APOC3: variants seen among roughly 807,000 people sequenced by gnomAD.
The protein encoded by APOC3 is apolipoprotein C3.
APOC3 carries 6 observed loss-of-function variants against 7.3 expected under a neutral mutation model. The observed-to-expected ratio is 0.82, with a 90% CI of 0.45 to 1.61. The LOEUF is 1.61. Ranked by LOEUF, APOC3 falls within the 40% of genes most tolerant of loss-of-function variation. The pLI is 0.01. For missense variants in APOC3, 123 were observed against 124.9 expected, an observed-to-expected ratio of 0.98 and a Z score of 0.07; for synonymous variants, 45 against 51.2, an observed-to-expected ratio of 0.88 and a Z score of 0.52.
At position 116,832,983 on chromosome 11, in the gene APOC3, T is replaced by C. The variant is rs539003433; in HGVS notation, c.*99T>C. 46 of 1,541,124 alleles carry C rather than the reference T, an allele frequency of 3.0e-5. 1 individual carries two copies. The highest frequency in any genetic ancestry group is 2.0e-4 in the African/African-American group (15 of 73,524). On this transcript the variant is annotated 3_prime_UTR_variant, in exon 4 of 4. Coordinates refer to ENST00000227667, the MANE Select transcript of APOC3 (RefSeq NM_000040.3). ...CCTGTAGGTTGCTTAAAAGGGACAG[T>C]ATTCTCAGTGCTCTCCTACCCCACC...
chr11:116,832,677 G>C (rs900289047), intron 3 of APOC3, 87 bp from the exon 4 acceptor site: 2 of 1,593,716 alleles, frequency 1.3e-6, no homozygotes, highest in Non-Finnish European at 8.6e-7. Flanking sequence ...GACTGGTGTC[G>C]TCCAGTGGGG....
chr11:116,831,049 T>TTCCTCGCAGG, intron 3 of APOC3, 153 bp downstream of exon 3: 1 of 904,652 alleles, frequency 1.1e-6, no homozygotes, highest in South Asian at 1.6e-5. Context: ...ACAGGGCCTT[T>TTCCTCGCAGG]GTCAGGCTGC....
chr11:116,830,852 T>A lies in APOC3; in HGVS notation c.135T>A (p.Asp45Glu). ...AGCACGCCACCAAGACCGCCAAGGA[T>A]GCACTGAGCAGCGTGCAGGAGTCCC... is the stretch of plus-strand genomic sequence containing the variant. ...YMKHATKTAK[D>E]ALSSVQESQV... Residue 45 changes from aspartate (D) to glutamate (E), a missense_variant, in exon 3 of 4, where the codon GAT (aspartate) becomes GAA (glutamate). By Grantham distance (45) the Asp-to-Glu change is conservative. Coordinates refer to ENST00000227667, the MANE Select transcript of APOC3 (RefSeq NM_000040.3). 6.2e-7 allele frequency: 1 copy of A among 1,612,664 alleles called. No homozygotes were observed. The highest frequency in any genetic ancestry group is 8.5e-7 in the Non-Finnish European group (1 of 1,179,846).
At position 116,830,656 on chromosome 11, in the gene APOC3, T is replaced by A; in HGVS notation, c.55+19T>A. On this transcript the variant is annotated intron_variant, in intron 2 of 3. Transcript: ENST00000227667. ...TCTGCCCGTAAGCACTTGGTGGGACTGGGCTGGGGGCAGGGTGGAGGCAAC... is the reference window on the plus strand; with the variant it reads ...TCTGCCCGTAAGCACTTGGTGGGACAGGGCTGGGGGCAGGGTGGAGGCAAC... The A allele has an allele frequency of 6.2e-7, 1 of 1,613,766 alleles. No homozygotes were observed. The highest frequency in any genetic ancestry group is 8.5e-7 in the Non-Finnish European group (1 of 1,179,988).
intron 2 of APOC3, 66 bp from the exon 3 acceptor site, chr11:116,830,707 G>T (rs1420160845): frequency 4.3e-6 from 7 of 1,612,982 alleles, no homozygotes; most frequent in Non-Finnish European, 5.9e-6. Flanking sequence ...CCAATGGGTG[G>T]TCAAGCAGGA....
rs1288391287 is a variant in APOC3, at chr11:116,830,812, T to G, written c.95T>G (p.Met32Arg). The change falls in exon 3 of 4, where the codon ATG becomes AGG. Residue 32 changes from methionine (M) to arginine (R), a missense_variant. Transcript: ENST00000227667. ...EAEDASLLSF[M>R]QGYMKHATKT... ...GAGGATGCCTCCCTTCTCAGCTTCA[T>G]GCAGGGTTACATGAAGCACGCCACC... 1 of 1,613,240 alleles carries G rather than the reference T, an allele frequency of 6.2e-7. No individual in the cohort carries two copies. The highest frequency in any genetic ancestry group is 2.2e-5 in the East Asian group (1 of 44,864).
rs752729869 is a variant in APOC3, at chr11:116,832,757, G to C, written c.180-7G>C. On this transcript the variant is annotated splice_polypyrimidine_tract_variant and splice_region_variant and intron_variant, in intron 3 of 3. Transcript: ENST00000227667. Reference sequence around the variant, plus strand: ...CCCTGCTCTGTTGCTTCCCCTGACTGATTTAGGGGCTGGGTGACCGATGGC... The same window carrying C: ...CCCTGCTCTGTTGCTTCCCCTGACTCATTTAGGGGCTGGGTGACCGATGGC... 6.2e-7 allele frequency: 1 copy of C among 1,614,012 alleles called. No individual in the cohort carries two copies. The highest frequency in any genetic ancestry group is 1.3e-5 in the African/African-American group (1 of 74,930).
intron 3 of APOC3, 139 bp downstream of exon 3, chr11:116,831,035 C>A: frequency 1.0e-6 from 1 of 998,466 alleles, no homozygotes; most frequent in Non-Finnish European, 1.5e-6. Context: ...CCTCCTCTTT[C>A]CTCACAGGGC....
chr11:116,831,005 CT>C, intron 3 of APOC3, 109 bp downstream of exon 3: 1 of 1,362,040 alleles, frequency 7.3e-7, no homozygotes, highest in Non-Finnish European at 1.0e-6. Context: ...CCAGCCTCCC[CT>C]GGGCCTGTGC....
chr11:116,832,105 G>A (rs1274433386), intron 3 of APOC3, among the ~76,000 whole-genome samples: 1 of 152,100 alleles, frequency 6.6e-6, no homozygotes, highest in African/African-American at 2.4e-5. Context: ...TAAGACCTGG[G>A]GCCAGTGTGA....
At position 116,832,755 on chromosome 11, in the gene APOC3, C is replaced by T. The variant is rs368892201; in HGVS notation, c.180-9C>T. 1.2e-6 allele frequency: 2 copies of T among 1,613,978 alleles called. No homozygotes were observed. Among genetic ancestry groups the T allele is most frequent in the African/African-American group, 2.7e-5 (2 of 74,914 alleles). Reference sequence around the variant, plus strand: ...TGCCCTGCTCTGTTGCTTCCCCTGACTGATTTAGGGGCTGGGTGACCGATG... The same window carrying T: ...TGCCCTGCTCTGTTGCTTCCCCTGATTGATTTAGGGGCTGGGTGACCGATG... On this transcript the variant is annotated splice_polypyrimidine_tract_variant and intron_variant, in intron 3 of 3. Transcript: ENST00000227667.
chr11:116,831,917 G>A (rs1941466968), intron 3 of APOC3, among the ~76,000 whole-genome samples: 1 of 152,228 alleles, frequency 6.6e-6, no homozygotes, highest in South Asian at 2.1e-4. Flanking sequence ...AGGAGGCGGA[G>A]CTCAGGCGGT....
rs773273781 is a variant in APOC3 at position 116,832,935 on chromosome 11, G to T, written c.*51G>T. 2.1e-5 allele frequency: 34 copies of T among 1,612,416 alleles called. No homozygotes were observed. In the East Asian group the frequency reaches 5.3e-4, roughly 25 times the overall value. ...CCTATCCATCCTGCGAGCTCCTTGG[G>T]TCCTGCAATCTCCAGGGCTGCCCCT... On this transcript the variant is annotated 3_prime_UTR_variant, in exon 4 of 4. Coordinates refer to ENST00000227667, the MANE Select transcript of APOC3 (RefSeq NM_000040.3).
chr11:116,832,768 TG>T lies in APOC3; in HGVS notation c.187del (p.Val63Ter), dbSNP rs1249798806. 2.5e-6 allele frequency: 4 copies of T among 1,614,042 alleles called. No homozygotes were observed. In the African/African-American group the frequency reaches 5.3e-5, roughly 22 times the overall value. On this transcript the variant is annotated frameshift_variant, in exon 4 of 4. Transcript: ENST00000227667. LOFTEE classifies it low-confidence loss of function (END_TRUNC). The stretch of plus-strand genomic sequence containing the variant: ...TGCTTCCCCTGACTGATTTAGGGGC[TG>T]GGTGACCGATGGCTTCAGTTCCCTG... ...ESQVAQQARG[W>X]VTDGFSSLKD...
intron 3 of APOC3, among the ~76,000 whole-genome samples, chr11:116,831,330 TTTTC>T (rs1190908673): frequency 1.3e-5 from 2 of 150,114 alleles, no homozygotes; most frequent in South Asian, 2.1e-4. Flanking sequence ...TTTCTTTCCT[TTTTC>T]TTTCTTTCCC....
intron 3 of APOC3, among the ~76,000 whole-genome samples, chr11:116,832,106 G>A (rs978693315): frequency 6.6e-6 from 1 of 152,152 alleles, no homozygotes; most frequent in Non-Finnish European, 1.5e-5. Flanking sequence ...AAGACCTGGG[G>A]CCAGTGTGAG....
In APOC3 at chr11:116,832,908, T is replaced by G. The variant is rs930776786; in HGVS notation, c.*24T>G. On this transcript the variant is annotated 3_prime_UTR_variant, in exon 4 of 4. Coordinates refer to ENST00000227667, the MANE Select transcript of APOC3 (RefSeq NM_000040.3). Reference sequence around the variant, plus strand: ...GAGACCTCAATACCCCAAGTCCACCTGCCTATCCATCCTGCGAGCTCCTTG... The same window carrying G: ...GAGACCTCAATACCCCAAGTCCACCGGCCTATCCATCCTGCGAGCTCCTTG... 3.7e-6 allele frequency: 6 copies of G among 1,613,416 alleles called. No individual in the cohort carries two copies. In the African/African-American group the frequency reaches 8.0e-5, roughly 22 times the overall value.
intron 2 of APOC3, 28 bp downstream of exon 2, chr11:116,830,665 G>A (rs759040679): frequency 6.2e-7 from 1 of 1,613,722 alleles, no homozygotes; most frequent in South Asian, 1.1e-5. Context: ...CTGGGCTGGG[G>A]GCAGGGTGGA....
rs753302821 is a variant in APOC3 at position 116,830,901 on chromosome 11, AC to A, written c.179+8del. ...CCAGGTGGCCCAGCAGGCCAGGTAC[AC>A]CCGCTGGCCTCCCTCCCCATCCCCC... On this transcript the variant is annotated splice_donor_region_variant and intron_variant, in intron 3 of 3. Coordinates refer to ENST00000227667, the MANE Select transcript of APOC3 (RefSeq NM_000040.3). The A allele has an allele frequency of 6.1e-5, 99 of 1,610,696 alleles. No individual in the cohort carries two copies. The highest frequency in any genetic ancestry group is 7.8e-5 in the Non-Finnish European group (92 of 1,179,468).
Sources: allele counts gnomAD v4.1 joint callset (sites outside exome capture counted in the v4.1 genomes callset), GRCh38; gene constraint gnomAD v4.1.1; transcripts MANE v1.5; gene names NCBI Gene and HGNC (gene_info 2026-07-23, HGNC 2026-07-21).